Variants in MEIS2 observed in about 807,000 individuals in gnomAD.
MEIS2 encodes the protein homeobox protein Meis2.
Under a neutral mutation model 58.6 loss-of-function variants are expected in MEIS2, and 9 were observed. The observed-to-expected ratio is 0.15, with a 90% CI of 0.09 to 0.27. The LOEUF is 0.27. Among genes scored for constraint, MEIS2 ranks in the 10% least tolerant of loss-of-function variants. The pLI is 1.00. For missense variants in MEIS2, 427 were observed against 635.0 expected (o/e 0.67, Z 3.52); for synonymous variants, 221 against 228.4 (o/e 0.97, Z 0.29).
At chr15:36,992,760 A>G (rs961074890) in intron 8 of MEIS2, among the ~76,000 whole-genome samples, 7 of 150,706 alleles carry the variant, frequency 4.6e-5, no homozygotes, top group Non-Finnish European at 1.0e-4. Flanking sequence ...TTTGCAAACA[A>G]TCTGGAAAGG....
At chr15:36,964,278 T>TC (rs2059286562) in intron 8 of MEIS2, among the ~76,000 whole-genome samples, 1 of 152,250 alleles carries the variant, frequency 6.6e-6, no homozygotes, top group Admixed American at 6.5e-5. Flanking sequence ...TTGCTGTATG[T>TC]CCAGCTTCTT....
chr15:37,049,099 T>C (rs1815111164), intron 7 of MEIS2, among the ~76,000 whole-genome samples: 1 of 152,232 alleles, frequency 6.6e-6, no homozygotes, highest in African/African-American at 2.4e-5. Context: ...GTGCCATTAT[T>C]TGAGACCAAG....
chr15:36,929,260 C>T (rs1484046625), intron 9 of MEIS2, among the ~76,000 whole-genome samples: 2 of 152,154 alleles, frequency 1.3e-5, no homozygotes, highest in Non-Finnish European at 2.9e-5. Flanking sequence ...TGTAGTGAGT[C>T]AGTAAGATGA....
chr15:36,955,340 T>C (rs1214462663), intron 8 of MEIS2, among the ~76,000 whole-genome samples: 3 of 152,224 alleles, frequency 2.0e-5, no homozygotes, highest in African/African-American at 7.2e-5. Flanking sequence ...TTCATTGTCA[T>C]GCTTTATTTA....
chr15:36,975,426 T>C (rs2059708330), intron 8 of MEIS2, among the ~76,000 whole-genome samples: 1 of 151,756 alleles, frequency 6.6e-6, no homozygotes, highest in African/African-American at 2.4e-5. Context: ...AGTAGAATCA[T>C]GAAACTTCTT....
At chr15:36,952,646 T>C (rs967775152) in intron 8 of MEIS2, among the ~76,000 whole-genome samples, 2 of 150,088 alleles carry the variant, frequency 1.3e-5, no homozygotes, top group Admixed American at 6.7e-5. Flanking sequence ...TGTGTGTGTG[T>C]GTGCATGTGT....
At chr15:36,939,072 A>G (rs1167050439) in intron 9 of MEIS2, among the ~76,000 whole-genome samples, 1 of 152,102 alleles carries the variant, frequency 6.6e-6, no homozygotes, top group Non-Finnish European at 1.5e-5. Context: ...CCCTACTTCC[A>G]TGGTCTCTCG....
chr15:36,917,128 A>G (rs1189895361), intron 9 of MEIS2, among the ~76,000 whole-genome samples: 1 of 152,198 alleles, frequency 6.6e-6, no homozygotes, highest in Non-Finnish European at 1.5e-5. Context: ...CTGGGAACCA[A>G]CAGCAACCGG....
chr15:37,076,556 G>A (rs939319329), intron 7 of MEIS2, among the ~76,000 whole-genome samples: 1 of 151,908 alleles, frequency 6.6e-6, no homozygotes, highest in African/African-American at 2.4e-5. Flanking sequence ...TGAGTCCTGT[G>A]CCCATCTGTA....
chr15:36,909,994 G>A (rs2056928826), intron 9 of MEIS2, among the ~76,000 whole-genome samples: 4 of 152,158 alleles, frequency 2.6e-5, no homozygotes, highest in South Asian at 2.1e-4. Flanking sequence ...CTTGAGCCGC[G>A]CAGTTTGAGG....
At chr15:36,952,054 A>G (rs1283993725) in intron 8 of MEIS2, among the ~76,000 whole-genome samples, 1 of 152,156 alleles carries the variant, frequency 6.6e-6, no homozygotes, top group African/African-American at 2.4e-5. Flanking sequence ...CTCTGCCACC[A>G]TGACAAATAC....
In MEIS2 at chr15:36,930,569, T is replaced by C. The variant is rs78637401; in HGVS notation, c.977+19755A>G. Among the ~76,000 whole-genome samples the C allele has an allele frequency of 7.1e-3, 1,085 of 152,326 alleles. 9 individuals are homozygous for C. Among genetic ancestry groups the C allele is most frequent in the African/African-American group, 0.025 (1,048 of 41,570 alleles). On this transcript the variant is annotated intron_variant, in intron 9 of 11. Transcript: ENST00000561208. ...GTCCTCGGCGTCTAGGTTTTTAATT[T>C]ATTTTGTTGTTTTGTTTCTGAGGTT...
intron 8 of MEIS2, among the ~76,000 whole-genome samples, chr15:37,013,138 A>T (rs2141642511): frequency 6.6e-6 from 1 of 152,324 alleles, no homozygotes; most frequent in South Asian, 2.1e-4. Flanking sequence ...GGAGTCCAGG[A>T]GAATCCTTCC....
intron 7 of MEIS2, among the ~76,000 whole-genome samples, chr15:37,046,044 G>A (rs1369522560): frequency 6.6e-6 from 1 of 152,238 alleles, no homozygotes; most frequent in Admixed American, 6.5e-5. Context: ...GGCGGTATAA[G>A]CAGCATTTAG....
chr15:36,907,240 A>G (rs1046685068), intron 9 of MEIS2, among the ~76,000 whole-genome samples: 2 of 152,250 alleles, frequency 1.3e-5, no homozygotes, highest in African/African-American at 4.8e-5. Context: ...GCCTCCATTA[A>G]GTGTGATGGC....
chr15:37,043,939 G>A (rs932042634), intron 7 of MEIS2, among the ~76,000 whole-genome samples: 3 of 152,098 alleles, frequency 2.0e-5, no homozygotes, highest in South Asian at 4.2e-4. Context: ...GCCCACCTCG[G>A]CCTCCCAAAG....
rs533358209 is a variant in MEIS2 at position 37,042,893 on chromosome 15, T to C, written c.755-5934A>G. On this transcript the variant is annotated intron_variant, in intron 7 of 11. Coordinates refer to ENST00000561208, the MANE Select transcript of MEIS2 (RefSeq NM_170675.5). The stretch of plus-strand genomic sequence containing the variant: ...CAGAGTCCAGAGATGCTACCAATAT[T>C]TGAGCCTACTGTCCATGAAGTAGGA... Among the ~76,000 whole-genome samples the C allele has an allele frequency of 3.1e-3, 477 of 152,338 alleles. 4 individuals carry two copies. Among genetic ancestry groups the C allele is most frequent in the African/African-American group, 0.011 (455 of 41,578 alleles).
chr15:37,061,659 TA>T (rs1400596012), intron 7 of MEIS2, among the ~76,000 whole-genome samples: 1 of 152,122 alleles, frequency 6.6e-6, no homozygotes, highest in Non-Finnish European at 1.5e-5. Flanking sequence ...TTTAACACTT[TA>T]AAAAATCCTA....
In MEIS2 at chr15:37,098,185, G is replaced by A; in HGVS notation, c.27C>T (p.Pro9=). The A allele has an allele frequency of 6.2e-7, 1 of 1,604,514 alleles. No homozygotes were observed. The highest frequency in any genetic ancestry group is 8.5e-7 in the Non-Finnish European group (1 of 1,174,162). Residue 9 remains proline (P), a synonymous_variant, in exon 2 of 12, where the codon CCC becomes CCT. Coordinates refer to ENST00000561208, the MANE Select transcript of MEIS2 (RefSeq NM_170675.5). MAQRYDEL[P]HYGGMDGVGV... is the part of the protein sequence containing the mutation. ...CTACTCCGTCCATCCCGCCGTAATG[G>A]GGCAGCTCATCGTACTGTCAGAACC...
Sources: allele counts gnomAD v4.1 joint callset (sites outside exome capture counted in the v4.1 genomes callset), GRCh38; gene constraint gnomAD v4.1.1; transcripts MANE v1.5; gene names NCBI Gene and HGNC (gene_info 2026-07-23, HGNC 2026-07-21).